MACF1: variants seen among roughly 807,000 people sequenced by gnomAD.
MACF1 encodes microtubule actin crosslinking factor 1.
MACF1 carries 193 observed loss-of-function variants against 854.8 expected under a neutral mutation model. The observed-to-expected ratio is 0.23, with a 90% CI of 0.20 to 0.25. The LOEUF is 0.25. Among genes scored for constraint, MACF1 ranks in the 10% least tolerant of loss-of-function variants. The probability of loss-of-function intolerance (pLI) is 1.00; values close to 1 mark genes in which losing one functional copy is unlikely to be tolerated. For missense variants in MACF1, 7,722 were observed against 8,929.1 expected (o/e 0.86, Z 5.45); for synonymous variants, 3,185 against 3,226.7 (o/e 0.99, Z 0.44).
intron 58 of MACF1, among the ~76,000 whole-genome samples, chr1:39,416,336 G>A (rs1557642654): frequency 6.6e-6 from 1 of 151,618 alleles, no homozygotes; most frequent in Non-Finnish European, 1.5e-5. Flanking sequence ...CAACAACAGA[G>A]CCATTCTTGA....
At chr1:39,146,300 A>G (rs1055338800) in intron 2 of MACF1, among the ~76,000 whole-genome samples, 1 of 151,996 alleles carries the variant, frequency 6.6e-6, no homozygotes, top group Non-Finnish European at 1.5e-5. Context: ...AAAACTAGCC[A>G]GGTATGGTGG....
In MACF1 at chr1:39,451,348, A is replaced by G. The variant is rs535842645; in HGVS notation, c.20418+137A>G. On this transcript the variant is annotated intron_variant, in intron 85 of 100. Coordinates refer to ENST00000564288, the MANE Select transcript of MACF1 (RefSeq NM_001394062.1). ...CCTGACAGTTGCTTTGTGTGTTTAA[A>G]CAAACTGTTGCTGAGATTCTGCATT... 4.4e-6 allele frequency: 4 copies of G among 911,608 alleles called. No individual in the cohort carries two copies. The South Asian group carries it at 1.0e-4, about 23-fold the overall frequency. The allele number at this position is 911,608 out of a possible 1,614,324, so 56.5% of individuals were successfully genotyped here.
Position 39,441,302 on chromosome 1 carries a change from G to C in MACF1, c.18649G>C (p.Val6217Leu). 1.9e-6 allele frequency: 3 copies of C among 1,614,090 alleles called. No homozygotes were observed. Among genetic ancestry groups the C allele is most frequent in the Non-Finnish European group, 2.5e-6 (3 of 1,179,964 alleles). The change falls in exon 74 of 101, where the codon GTG becomes CTG. Residue 6217 changes from valine to leucine, a missense_variant. Coordinates refer to ENST00000564288, the MANE Select transcript of MACF1 (RefSeq NM_001394062.1). ...EKLEDAMQAA[V>L]QYQDTLQAMF... ...ACTTGAGGATGCTATGCAAGCTGCT[G>C]TGCAGTATCAGGACACTCTTCAGGT...
chr1:39,180,572 C>T (rs145179162), intron 2 of MACF1, among the ~76,000 whole-genome samples: 2,633 of 152,254 alleles, frequency 0.017, 78 homozygotes, highest in African/African-American at 0.061. Context: ...GCCGAGATTG[C>T]GCCACTAGAC....
Position 39,388,096 on chromosome 1 carries a change from A to G in MACF1, c.15254A>G (p.Asp5085Gly), listed in dbSNP as rs1409501911. 5 of 1,613,996 alleles carry G rather than the reference A, an allele frequency of 3.1e-6. No homozygotes were observed. The highest frequency in any genetic ancestry group is 3.3e-5 in the Admixed American group (2 of 59,992). The change falls in exon 58 of 101, where the codon GAT becomes GGT. Residue 5085 changes from aspartate (D) to glycine (G), a missense_variant. This residue lies in a region of MACF1 where 2,807 missense variants were observed against 3,235.8 expected (regional missense o/e 0.87). Transcript: ENST00000564288. The stretch of plus-strand genomic sequence containing the variant: ...GTAGAAGATGCCCCAGATGGATCTG[A>G]TGCTTCTCAACTTCTCCACCAAGCT... ...GLVEDAPDGS[D>G]ASQLLHQAEV...
At chr1:39,156,519 T>C (rs936930604) in intron 2 of MACF1, among the ~76,000 whole-genome samples, 1 of 152,146 alleles carries the variant, frequency 6.6e-6, no homozygotes. Context: ...CTTGGGGGGC[T>C]GAGGTGGGAG....
intron 87 of MACF1, 65 bp from the exon 88 acceptor site, chr1:39,453,642 T>C: frequency 7.0e-7 from 1 of 1,423,344 alleles, no homozygotes; most frequent in Non-Finnish European, 9.9e-7. Flanking sequence ...CCCCCCTCAG[T>C]GTAAACTAAC....
intron 38 of MACF1, among the ~76,000 whole-genome samples, chr1:39,337,968 A>G (rs1366090920): frequency 6.6e-6 from 1 of 151,960 alleles, no homozygotes; most frequent in East Asian, 1.9e-4. Flanking sequence ...ACGGGGTTTC[A>G]CCGTGTTAGC....
At chr1:39,133,559 CCTGT>C (rs1250214935) in intron 2 of MACF1, among the ~76,000 whole-genome samples, 5 of 152,184 alleles carry the variant, frequency 3.3e-5, no homozygotes, top group East Asian at 1.9e-4. Flanking sequence ...CCTCCTTCTT[CCTGT>C]CTGTTTTTAT....
chr1:39,415,626 G>T (rs1230486872), intron 58 of MACF1, among the ~76,000 whole-genome samples: 1 of 151,548 alleles, frequency 6.6e-6, no homozygotes, highest in Non-Finnish European at 1.5e-5. Flanking sequence ...CTCCCAGAGT[G>T]CTGGGATTAC....
chr1:39,376,438 C>T (rs1036370798), intron 52 of MACF1, among the ~76,000 whole-genome samples: 1 of 152,162 alleles, frequency 6.6e-6, no homozygotes, highest in Non-Finnish European at 1.5e-5. Flanking sequence ...GATATACATT[C>T]GCTCATGATC....
At chr1:39,414,238 G>T (rs1643182452) in intron 58 of MACF1, 2 of 1,613,932 alleles carry the variant, frequency 1.2e-6, no homozygotes, top group African/African-American at 2.7e-5. Context: ...CCCAGCTGCT[G>T]CAGTGCCTCC....
chr1:39,389,351 G>GTTTTTTT lies in MACF1; in HGVS notation c.15816+712_15816+718dup, dbSNP rs10588247. The stretch of plus-strand genomic sequence containing the variant: ...ATCTTCAGGTCTCTGGTTTTTGTGT[G>GTTTTTTT]TTTTTTTTTTTTTTTTTTTTTTTTT... On this transcript the variant is annotated intron_variant, in intron 58 of 100. Transcript: ENST00000564288. Among the ~76,000 whole-genome samples, 62 of 63,482 alleles carry GTTTTTTT rather than the reference G, an allele frequency of 9.8e-4. 4 individuals are homozygous for GTTTTTTT. The highest frequency in any genetic ancestry group is 2.3e-3 in the African/African-American group (40 of 17,636). 41.6% of individuals were successfully genotyped at this position (63,482 alleles called of 152,430 possible).
intron 2 of MACF1, among the ~76,000 whole-genome samples, chr1:39,100,581 C>T (rs1642044316): frequency 1.3e-5 from 2 of 152,158 alleles, no homozygotes; most frequent in African/African-American, 4.8e-5. Flanking sequence ...AGGCCGGGTG[C>T]GGTGGCTCAT....
chr1:39,411,533 C>A lies in MACF1; in HGVS notation c.15817-10841C>A, dbSNP rs750867654. On this transcript the variant is annotated intron_variant, in intron 58 of 100. Transcript: ENST00000564288. The stretch of plus-strand genomic sequence containing the variant: ...CCCCTGGATTGCGATTGTGTTCTTA[C>A]AGGTGAGGATATTCTCGGTGAGGTG... 5 of 1,613,710 alleles carry A rather than the reference C, an allele frequency of 3.1e-6. No homozygotes were observed. In the East Asian group the frequency reaches 1.1e-4, roughly 36 times the overall value.
chr1:39,388,786 G>A, intron 58 of MACF1, 128 bp downstream of exon 58: 2 of 817,328 alleles, frequency 2.4e-6, no homozygotes, highest in Non-Finnish European at 1.8e-6. Context: ...CACCATGAAA[G>A]CACACTGTCT....
intron 35 of MACF1, among the ~76,000 whole-genome samples, chr1:39,326,641 A>ACTGCACTT (rs930086030): frequency 2.1e-5 from 3 of 140,580 alleles, no homozygotes; most frequent in Admixed American, 8.0e-5. Context: ...AGATCGCACC[A>ACTGCACTT]CTGCACTTCA....
chr1:39,161,288 A>C (rs1474518424), intron 2 of MACF1, among the ~76,000 whole-genome samples: 1 of 152,168 alleles, frequency 6.6e-6, no homozygotes, highest in Non-Finnish European at 1.5e-5. Context: ...TGGGATAAGT[A>C]GGTAATTAGG....
intron 2 of MACF1, among the ~76,000 whole-genome samples, chr1:39,173,338 CAAAAAAA>C (rs10636583): frequency 9.9e-6 from 1 of 100,994 alleles, no homozygotes; most frequent in Non-Finnish European, 1.9e-5. Context: ...GACTCCATCT[CAAAAAAA>C]AAAAAAAAAG....
Sources: allele counts gnomAD v4.1 joint callset (sites outside exome capture counted in the v4.1 genomes callset), GRCh38; gene constraint gnomAD v4.1.1; regional missense constraint gnomAD v4.1.1; transcripts MANE v1.5; gene names NCBI Gene and HGNC (gene_info 2026-07-23, HGNC 2026-07-21).